The following MBNL3 variants were observed in gnomAD, a reference collection of about 807,000 sequenced individuals.
MBNL3 encodes the protein muscleblind like splicing regulator 3.
MBNL3 carries 6 observed loss-of-function variants against 24.5 expected under a neutral mutation model. The ratio of observed to expected loss-of-function variants is 0.25; its 90% CI spans 0.13 to 0.48. The LOEUF is 0.48. MBNL3 is among the 20% of genes least tolerant of loss of function. The pLI is 0.99. For missense variants in MBNL3, 230 were observed against 293.5 expected (o/e 0.78, Z 1.58); for synonymous variants, 100 against 101.7 (o/e 0.98, Z 0.10).
intron 8 of MBNL3, among the ~76,000 whole-genome samples, chrX:132,380,648 C>T (rs1934731501): frequency 9.0e-6 from 1 of 111,226 alleles, no homozygotes; most frequent in South Asian, 3.8e-4. Flanking sequence ...GGTGTGAGAA[C>T]TTCAAACTTT....
chrX:132,454,327 A>G (rs1294087594), intron 1 of MBNL3, among the ~76,000 whole-genome samples: 2 of 111,503 alleles, frequency 1.8e-5, no homozygotes, highest in African/African-American at 3.3e-5. Context: ...GTAATTCTCT[A>G]GTCAAACATG....
intron 3 of MBNL3, among the ~76,000 whole-genome samples, chrX:132,396,616 A>ATATATATATTCC (rs1938892337): frequency 2.8e-5 from 1 of 35,221 alleles, no homozygotes; most frequent in African/African-American, 2.0e-4. Flanking sequence ...ATATATATTC[A>ATATATATATTCC]TATATATATT....
intron 1 of MBNL3, among the ~76,000 whole-genome samples, chrX:132,461,078 A>C (rs1946606366): frequency 8.9e-6 from 1 of 112,155 alleles, no homozygotes; most frequent in East Asian, 2.8e-4. Context: ...AATTTTTAAA[A>C]AATGATTTGT....
rs1043949874 is a variant in MBNL3 at position 132,377,685 on chromosome X, A to G, written c.*1981T>C. ...GTCATATGCCCCTGGATTCAGTTCC[A>G]TCAACTATAAAAAGGATTTTGCTAA... On this transcript the variant is annotated 3_prime_UTR_variant, in exon 9 of 9. Coordinates refer to ENST00000370853, the MANE Select transcript of MBNL3 (RefSeq NM_001386889.1). The G allele has an allele frequency of 9.0e-6, 1 of 110,932 alleles. No homozygotes were observed. The highest frequency in any genetic ancestry group is 1.9e-5 in the Non-Finnish European group (1 of 52,882). 9.1% of individuals were successfully genotyped at this position (110,932 alleles called of 1,213,427 possible).
At chrX:132,403,355 A>G in intron 3 of MBNL3, among the ~76,000 whole-genome samples, 1 of 111,775 alleles carries the variant, frequency 8.9e-6, no homozygotes, top group Non-Finnish European at 1.9e-5. Flanking sequence ...TCATCGCATC[A>G]TAACAGCTAT....
chrX:132,396,543 TTCC>T (rs1938690689), intron 3 of MBNL3, among the ~76,000 whole-genome samples: 1 of 56,683 alleles, frequency 1.8e-5, no homozygotes, highest in East Asian at 4.7e-4. Flanking sequence ...CATATATATA[TTCC>T]TATATATTCC....
At chrX:132,475,504 T>C (rs1023228000) in intron 1 of MBNL3, among the ~76,000 whole-genome samples, 4 of 111,534 alleles carry the variant, frequency 3.6e-5, no homozygotes, top group Non-Finnish European at 5.6e-5. Flanking sequence ...ATCTATTAGA[T>C]GCCAAAGAGA....
At chrX:132,461,179 A>G (rs1946610879) in intron 1 of MBNL3, among the ~76,000 whole-genome samples, 1 of 112,404 alleles carries the variant, frequency 8.9e-6, no homozygotes, top group South Asian at 3.7e-4. Flanking sequence ...CAAGAAAAAA[A>G]TAAAGACAAG....
rs1393198759 is a variant in MBNL3, at chrX:132,385,907, GA to G, written c.922+753del. ...ATTGTGTCAAAAAAAAAAAAAAATG[GA>G]AAAAAAAAACTGCTGTACTCTCAAT... On this transcript the variant is annotated intron_variant, in intron 6 of 8. Transcript: ENST00000370853. Among the ~76,000 whole-genome samples the G allele has an allele frequency of 7.0e-5, 7 of 99,837 alleles. No homozygotes were observed. The South Asian group carries it at 1.3e-3, about 19-fold the overall frequency. 86.7% of individuals were successfully genotyped at this position (99,837 alleles called of 115,157 possible). A position where few individuals can be genotyped will look rare whatever the true frequency, so the allele number is the denominator to read the frequency against.
intron 1 of MBNL3, among the ~76,000 whole-genome samples, chrX:132,487,701 C>T (rs181915302): frequency 2.7e-5 from 3 of 111,756 alleles, no homozygotes; most frequent in Non-Finnish European, 5.6e-5. Context: ...CCAAAAGTAT[C>T]GCACATTAGA....
intron 2 of MBNL3, among the ~76,000 whole-genome samples, chrX:132,427,036 A>T (rs1417607409): frequency 9.0e-6 from 1 of 111,666 alleles, no homozygotes; most frequent in Non-Finnish European, 1.9e-5. Flanking sequence ...GCTTGCTCTC[A>T]TATGAAGAGA....
At chrX:132,444,566 T>C (rs1245379209) in intron 1 of MBNL3, among the ~76,000 whole-genome samples, 2 of 111,562 alleles carry the variant, frequency 1.8e-5, no homozygotes, top group South Asian at 3.8e-4. Context: ...ATAGGTATGA[T>C]GAAACTGAAC....
At position 132,482,842 on chromosome X, in the gene MBNL3, G is replaced by C. The variant is rs150693556; in HGVS notation, c.-704+6009C>G. ...ACCCTGGCTTCAGAAAGCGAGCAGA[G>C]TGCATATTGACACAGCCTCAGCCTC... On this transcript the variant is annotated intron_variant, in intron 1 of 8. Transcript: ENST00000370853. Among the ~76,000 whole-genome samples, 1,041 of 112,227 alleles carry C rather than the reference G, an allele frequency of 9.3e-3. 7 individuals carry two copies. The highest frequency in any genetic ancestry group is 0.032 in the African/African-American group (975 of 30,877).
At chrX:132,408,716 A>G (rs1326325266) in intron 2 of MBNL3, among the ~76,000 whole-genome samples, 1 of 112,060 alleles carries the variant, frequency 8.9e-6, no homozygotes, top group African/African-American at 3.2e-5. Flanking sequence ...ATGACAGTTT[A>G]GCAGAGCAAA....
chrX:132,411,474 G>A lies in MBNL3; in HGVS notation c.178-5082C>T, dbSNP rs759666534. 1.5e-4 allele frequency: 110 copies of A among 729,411 alleles called. No homozygotes were observed. In the African/African-American group the frequency reaches 2.4e-3, roughly 16 times the overall value. 60.1% of individuals were successfully genotyped at this position (729,411 alleles called of 1,213,427 possible). On this transcript the variant is annotated intron_variant, in intron 2 of 8. Coordinates refer to ENST00000370853, the MANE Select transcript of MBNL3 (RefSeq NM_001386889.1). The stretch of plus-strand genomic sequence containing the variant: ...GTTTAGGGCTGAATCGGATTGTAGG[G>A]AACATCTTGTGCACCTTTATCTTAC...
At chrX:132,436,730 T>A (rs188595132) in intron 2 of MBNL3, among the ~76,000 whole-genome samples, 10 of 112,325 alleles carry the variant, frequency 8.9e-5, no homozygotes, top group African/African-American at 2.9e-4. Context: ...TAATTTAACC[T>A]TCATGCATGT....
chrX:132,410,641 ATGT>A lies in MBNL3; in HGVS notation c.178-4252_178-4250del, dbSNP rs758629774. Among the ~76,000 whole-genome samples the A allele has an allele frequency of 5.3e-5, 6 of 112,842 alleles. No homozygotes were observed. In the East Asian group the frequency reaches 8.3e-4, roughly 16 times the overall value. On this transcript the variant is annotated intron_variant, in intron 2 of 8. Transcript: ENST00000370853. Reference sequence around the variant, plus strand: ...GAGATGATTTGTTCTATGAAGAAAAATGTTGTTATTCCATTTTAATCATAATGG... The same window carrying A: ...GAGATGATTTGTTCTATGAAGAAAAATGTTATTCCATTTTAATCATAATGG...
At chrX:132,382,311 T>C in intron 7 of MBNL3, 39 bp from the exon 8 acceptor site, 1 of 1,069,206 alleles carries the variant, frequency 9.4e-7, no homozygotes, top group Non-Finnish European at 1.3e-6. Context: ...CACGGGAGGG[T>C]AGAGGATTTA....
At chrX:132,402,593 T>C (rs186566755) in intron 3 of MBNL3, among the ~76,000 whole-genome samples, 2 of 111,718 alleles carry the variant, frequency 1.8e-5, no homozygotes, top group Admixed American at 9.5e-5. Context: ...TTAAACTGCA[T>C]TGAAAAATAC....
Sources: allele counts gnomAD v4.1 joint callset (sites outside exome capture counted in the v4.1 genomes callset), GRCh38; gene constraint gnomAD v4.1.1; transcripts MANE v1.5; gene names NCBI Gene and HGNC (gene_info 2026-07-23, HGNC 2026-07-21).